Variants in ABCC4 observed in about 807,000 individuals in gnomAD.
The protein encoded by ABCC4 is ATP-binding cassette sub-family C member 4.
Under a neutral mutation model 168.5 loss-of-function variants are expected in ABCC4, and 102 were observed. The ratio of observed to expected loss-of-function variants is 0.61; its 90% CI spans 0.52 to 0.71. The LOEUF (loss-of-function observed/expected upper bound fraction) is 0.71, where lower values mean the gene tolerates loss of function less well. Among genes scored for constraint, ABCC4 ranks in the 30% least tolerant of loss-of-function variants. The probability of loss-of-function intolerance (pLI) is 0.00; values close to 1 mark genes in which losing one functional copy is unlikely to be tolerated. For missense variants in ABCC4, 1,402 were observed against 1,605.8 expected (o/e 0.87, Z 2.17); for synonymous variants, 617 against 590.7 (o/e 1.04, Z -0.65).
intron 17 of ABCC4, 65 bp downstream of exon 17, chr13:95,163,545 T>C: frequency 7.0e-7 from 1 of 1,420,804 alleles, no homozygotes; most frequent in Non-Finnish European, 9.9e-7. Context: ...CCTCTAACTC[T>C]ATGGAAAAGC....
chr13:95,092,270 CAAAG>C (rs1019133363), intron 20 of ABCC4, among the ~76,000 whole-genome samples: 11 of 152,052 alleles, frequency 7.2e-5, no homozygotes, highest in African/African-American at 2.7e-4. Flanking sequence ...AAAAAGTCAA[CAAAG>C]AAACAATGGA....
intron 27 of ABCC4, among the ~76,000 whole-genome samples, chr13:95,049,317 G>C (rs1360201046): frequency 2.0e-5 from 3 of 150,460 alleles, no homozygotes; most frequent in South Asian, 2.1e-4. Context: ...CTGGGCGACA[G>C]AGCAAGACTC....
At chr13:95,264,955 G>T (rs886954612) in intron 1 of ABCC4, among the ~76,000 whole-genome samples, 2 of 143,356 alleles carry the variant, frequency 1.4e-5, no homozygotes, top group Non-Finnish European at 3.0e-5. Flanking sequence ...TGCAACTTCC[G>T]CTTCCTGGGT....
chr13:95,155,532 G>C (rs1363554056), intron 19 of ABCC4, among the ~76,000 whole-genome samples: 1 of 151,898 alleles, frequency 6.6e-6, no homozygotes, highest in Non-Finnish European at 1.5e-5. Flanking sequence ...CTTTTATCTA[G>C]TGTTTTAGCT....
chr13:95,063,255 G>C (rs1022504043), intron 25 of ABCC4, among the ~76,000 whole-genome samples: 1 of 152,220 alleles, frequency 6.6e-6, no homozygotes, highest in African/African-American at 2.4e-5. Context: ...AGTCTCCTAA[G>C]TGGCCCATGA....
intron 11 of ABCC4, among the ~76,000 whole-genome samples, chr13:95,178,778 C>T (rs1021135203): frequency 2.0e-5 from 3 of 152,162 alleles, no homozygotes; most frequent in African/African-American, 7.2e-5. Context: ...GGAGGAAGGA[C>T]ATGATCTGAT....
At position 95,258,183 on chromosome 13, in the gene ABCC4, C is replaced by T. The variant is rs571886226; in HGVS notation, c.75-10430G>A. 1.4e-4 allele frequency among the ~76,000 whole-genome samples: 21 copies of T among 152,286 alleles called. No individual in the cohort carries two copies. In the South Asian group the frequency reaches 3.1e-3, roughly 23 times the overall value. On this transcript the variant is annotated intron_variant, in intron 1 of 30. Coordinates refer to ENST00000645237, the MANE Select transcript of ABCC4 (RefSeq NM_005845.5). ...GCCTACCCACCTTCACCCTTGGTTTCCCTGTGATCTTTCAATAGAAAAGCC... is the reference window on the plus strand; with the variant it reads ...GCCTACCCACCTTCACCCTTGGTTTTCCTGTGATCTTTCAATAGAAAAGCC...
intron 19 of ABCC4, among the ~76,000 whole-genome samples, chr13:95,116,300 C>T (rs931724181): frequency 6.6e-6 from 1 of 152,106 alleles, no homozygotes; most frequent in Non-Finnish European, 1.5e-5. Context: ...AGAATGTTCC[C>T]TCCTTTTAAG....
At chr13:95,250,856 C>T in intron 1 of ABCC4, among the ~76,000 whole-genome samples, 1 of 146,384 alleles carries the variant, frequency 6.8e-6, no homozygotes, top group East Asian at 2.0e-4. Context: ...CAGATCCGAT[C>T]AGAGCTCAGC....
chr13:95,182,258 A>T (rs1006004339), intron 11 of ABCC4, among the ~76,000 whole-genome samples: 3 of 152,258 alleles, frequency 2.0e-5, no homozygotes, highest in African/African-American at 7.2e-5. Flanking sequence ...AGAAGAAATT[A>T]TAAGATAGTG....
intron 19 of ABCC4, among the ~76,000 whole-genome samples, chr13:95,129,761 C>T (rs995935378): frequency 1.3e-5 from 2 of 152,016 alleles, no homozygotes; most frequent in Admixed American, 6.6e-5. Context: ...ACATTGCTTT[C>T]AAGAAAAACT....
chr13:95,104,302 T>C (rs1248589749), intron 20 of ABCC4, among the ~76,000 whole-genome samples: 1 of 152,140 alleles, frequency 6.6e-6, no homozygotes, highest in African/African-American at 2.4e-5. Context: ...TTAGTAAAGA[T>C]GGGGCTTCGC....
intron 20 of ABCC4, among the ~76,000 whole-genome samples, chr13:95,089,910 G>A (rs1244738850): frequency 6.6e-6 from 1 of 152,068 alleles, no homozygotes; most frequent in South Asian, 2.1e-4. Flanking sequence ...ATCCCAAGAG[G>A]TGGGATCATG....
At chr13:95,239,565 T>G (rs1188575678) in intron 3 of ABCC4, among the ~76,000 whole-genome samples, 1 of 152,126 alleles carries the variant, frequency 6.6e-6, no homozygotes, top group Non-Finnish European at 1.5e-5. Context: ...GGGCCCAACT[T>G]CGATAGACTC....
At chr13:95,051,507 T>C (rs371218409) in intron 27 of ABCC4, among the ~76,000 whole-genome samples, 12 of 151,104 alleles carry the variant, frequency 7.9e-5, no homozygotes, top group African/African-American at 2.7e-4. Context: ...TAGCTGGGAC[T>C]ACAGGTGCAT....
chr13:95,112,293 C>T (rs2035230313), intron 20 of ABCC4, among the ~76,000 whole-genome samples: 2 of 150,668 alleles, frequency 1.3e-5, no homozygotes, highest in African/African-American at 4.9e-5. Flanking sequence ...GCAAAGGTTG[C>T]AGTGAGCTGA....
chr13:95,110,505 T>C (rs771111906), intron 20 of ABCC4, among the ~76,000 whole-genome samples: 1 of 152,106 alleles, frequency 6.6e-6, no homozygotes, highest in Non-Finnish European at 1.5e-5. Flanking sequence ...TTAAAATTGT[T>C]GAAAACTACT....
intron 29 of ABCC4, among the ~76,000 whole-genome samples, chr13:95,036,683 T>C (rs771215271): frequency 6.6e-6 from 1 of 152,146 alleles, no homozygotes; most frequent in East Asian, 1.9e-4. Flanking sequence ...GATAGAACCA[T>C]GACCTTAATA....
rs752332483 is a variant in ABCC4, at chr13:95,053,119, C to T, written c.3432G>A (p.Glu1144=). ...CCTCTTGTAAGGCATTCCACAGTTCCTCATCCGTGTGCTCATTAAAGGGAT... is the reference window on the plus strand; with the variant it reads ...CCTCTTGTAAGGCATTCCACAGTTCTTCATCCGTGTGCTCATTAAAGGGAT... The part of the protein sequence containing the change: ...NLDPFNEHTD[E]ELWNALQEVQ... Residue 1144 remains glutamate (E), a synonymous_variant, in exon 27 of 31, where the codon GAG becomes GAA. Coordinates refer to ENST00000645237, the MANE Select transcript of ABCC4 (RefSeq NM_005845.5). The T allele has an allele frequency of 2.5e-6, 4 of 1,613,938 alleles. No individual in the cohort carries two copies. The highest frequency in any genetic ancestry group is 3.4e-6 in the Non-Finnish European group (4 of 1,179,960).
Sources: gnomAD v4.1 joint callset for allele counts (sites outside exome capture counted in the v4.1 genomes callset) on GRCh38, gnomAD v4.1.1 for gene constraint, MANE v1.5 for transcripts, NCBI Gene and HGNC (gene_info 2026-07-23, HGNC 2026-07-21) for gene names.